The following RXFP1 variants were observed in gnomAD, a reference collection of about 807,000 sequenced individuals.
The protein encoded by RXFP1 is relaxin family peptide receptor 1, also known as relaxin receptor 1.
Under a neutral mutation model 89.8 loss-of-function variants are expected in RXFP1, and 73 were observed. That is an observed-to-expected ratio of 0.81 (90% CI 0.67 to 0.99). The LOEUF is 0.99. RXFP1 is among the 50% of genes least tolerant of loss of function. RXFP1 has a pLI of 0.00. For synonymous variants in RXFP1, 277 were observed against 305.5 expected, an observed-to-expected ratio of 0.91 and a Z score of 0.97; for missense variants, 793 against 895.5, an observed-to-expected ratio of 0.89 and a Z score of 1.46.
chr4:158,527,225 TTA>T (rs1314224327), intron 1 of RXFP1, among the ~76,000 whole-genome samples: 6 of 152,120 alleles, frequency 3.9e-5, no homozygotes, highest in African/African-American at 1.4e-4. Flanking sequence ...GGCCATATAA[TTA>T]TATGAGTTAT....
intron 11 of RXFP1, among the ~76,000 whole-genome samples, chr4:158,629,208 G>T (rs1767548043): frequency 6.6e-6 from 1 of 151,850 alleles, no homozygotes; most frequent in Non-Finnish European, 1.5e-5. Flanking sequence ...ATCCCACCAT[G>T]CCCAGCTAAT....
chr4:158,641,855 C>G (rs1770440890), intron 14 of RXFP1, among the ~76,000 whole-genome samples: 1 of 152,188 alleles, frequency 6.6e-6, no homozygotes, highest in Admixed American at 6.5e-5. Context: ...TAACACCTAC[C>G]TCACGGAATT....
At chr4:158,633,544 A>C (rs1768527954) in intron 12 of RXFP1, 68 bp downstream of exon 12, 1 of 993,604 alleles carries the variant, frequency 1.0e-6, no homozygotes, top group Non-Finnish European at 1.5e-6. Flanking sequence ...TAAAATATGC[A>C]TAACATAAAA....
At chr4:158,599,158 G>A (rs1761197439) in intron 3 of RXFP1, 168 bp from the exon 4 acceptor site, 2 of 1,032,160 alleles carry the variant, frequency 1.9e-6, no homozygotes, top group Non-Finnish European at 2.7e-6. Context: ...TAAATTAAAA[G>A]CAAACTTTGG....
At chr4:158,619,893 G>A (rs929968422) in intron 9 of RXFP1, among the ~76,000 whole-genome samples, 8 of 152,002 alleles carry the variant, frequency 5.3e-5, no homozygotes, top group South Asian at 4.1e-4. Context: ...TTTGTATCAC[G>A]GCAGGAAATG....
At chr4:158,649,558 C>T (rs1416237024) in intron 17 of RXFP1, among the ~76,000 whole-genome samples, 1 of 151,918 alleles carries the variant, frequency 6.6e-6, no homozygotes, top group Non-Finnish European at 1.5e-5. Flanking sequence ...CTGCAGTGAG[C>T]CATGATTGCA....
At chr4:158,543,111 A>T (rs889878626) in intron 1 of RXFP1, among the ~76,000 whole-genome samples, 2 of 152,174 alleles carry the variant, frequency 1.3e-5, no homozygotes, top group South Asian at 4.1e-4. Context: ...AACCTAAAAT[A>T]AGTTTAACAC....
intron 14 of RXFP1, among the ~76,000 whole-genome samples, chr4:158,644,337 C>T (rs963858967): frequency 3.9e-5 from 6 of 152,126 alleles, no homozygotes; most frequent in Admixed American, 1.3e-4. Flanking sequence ...TGAGCCACCG[C>T]GCCCAGCCTT....
intron 9 of RXFP1, among the ~76,000 whole-genome samples, chr4:158,618,609 T>A (rs1765032716): frequency 1.3e-5 from 2 of 152,086 alleles, no homozygotes; most frequent in Non-Finnish European, 2.9e-5. Flanking sequence ...TTATAACTAA[T>A]GATACTATTC....
At chr4:158,556,535 A>G (rs1385312443) in intron 1 of RXFP1, among the ~76,000 whole-genome samples, 1 of 152,216 alleles carries the variant, frequency 6.6e-6, no homozygotes, top group Non-Finnish European at 1.5e-5. Context: ...TGAAACTACC[A>G]TATGATCCAG....
chr4:158,626,500 G>C (rs951639388), intron 9 of RXFP1, among the ~76,000 whole-genome samples: 1 of 152,026 alleles, frequency 6.6e-6, no homozygotes, highest in Admixed American at 6.6e-5. Context: ...TGAAATATCG[G>C]TTAATAAATT....
intron 6 of RXFP1, among the ~76,000 whole-genome samples, chr4:158,608,630 T>C (rs1016665253): frequency 1.3e-5 from 2 of 152,206 alleles, no homozygotes; most frequent in Non-Finnish European, 2.9e-5. Context: ...ATACATAAGC[T>C]AAAATTCACC....
intron 1 of RXFP1, among the ~76,000 whole-genome samples, chr4:158,559,285 A>C (rs1349056352): frequency 6.6e-6 from 1 of 152,220 alleles, no homozygotes; most frequent in African/African-American, 2.4e-5. Context: ...CAGCCTGGGC[A>C]ACAGCAAGAC....
chr4:158,623,502 CA>C (rs56692438), intron 9 of RXFP1, among the ~76,000 whole-genome samples: 1,101 of 42,540 alleles, frequency 0.026, 3 homozygotes, highest in East Asian at 0.074. Context: ...AACTCCATCT[CA>C]AAAAAAAAAA....
chr4:158,546,944 C>CCA (rs1748604669), intron 1 of RXFP1, among the ~76,000 whole-genome samples: 1 of 152,034 alleles, frequency 6.6e-6, no homozygotes, highest in African/African-American at 2.4e-5. Context: ...GCTTTGGTAT[C>CCA]AGGATGATGC....
intron 10 of RXFP1, among the ~76,000 whole-genome samples, chr4:158,627,404 T>C (rs2150187397): frequency 6.6e-6 from 1 of 152,266 alleles, no homozygotes; most frequent in East Asian, 1.9e-4. Context: ...GCACAATTTA[T>C]TATACCCTTG....
intron 1 of RXFP1, among the ~76,000 whole-genome samples, chr4:158,529,861 C>T (rs2149789974): frequency 6.6e-6 from 1 of 152,348 alleles, no homozygotes; most frequent in South Asian, 2.1e-4. Flanking sequence ...GATTTCTACT[C>T]ATTTCATTTC....
chr4:158,590,523 TTTCTCA>T (rs1433459965), intron 2 of RXFP1, among the ~76,000 whole-genome samples: 2 of 152,200 alleles, frequency 1.3e-5, no homozygotes, highest in African/African-American at 4.8e-5. Flanking sequence ...ACCCTTGAAA[TTTCTCA>T]TTCTCATTCT....
chr4:158,614,899 G>A (rs534760549), intron 8 of RXFP1, among the ~76,000 whole-genome samples: 6 of 151,986 alleles, frequency 3.9e-5, no homozygotes, highest in Non-Finnish European at 5.9e-5. Context: ...GGAGGTATGC[G>A]AGCAGTATAT....
Sources: gnomAD v4.1 joint callset for allele counts (sites outside exome capture counted in the v4.1 genomes callset) on GRCh38, gnomAD v4.1.1 for gene constraint, MANE v1.5 for transcripts, NCBI Gene and HGNC (gene_info 2026-07-23, HGNC 2026-07-21) for gene names.